Variants in PALLD observed in about 807,000 individuals in gnomAD.
PALLD encodes the protein palladin, cytoskeletal associated protein.
A neutral mutation model predicts 123.5 loss-of-function variants in PALLD; 61 were observed. That is an observed-to-expected ratio of 0.49 (90% CI 0.40 to 0.61). The LOEUF is 0.61. PALLD is among the 20% of genes least tolerant of loss of function. PALLD has a pLI of 0.00. For missense variants in PALLD, 1,273 were observed against 1,377.0 expected, an observed-to-expected ratio of 0.92 and a Z score of 1.20; for synonymous variants, 465 against 496.4, an observed-to-expected ratio of 0.94 and a Z score of 0.84.
intron 10 of PALLD, among the ~76,000 whole-genome samples, chr4:168,853,630 A>C (rs768216350): frequency 1.3e-5 from 2 of 152,100 alleles, no homozygotes; most frequent in Non-Finnish European, 2.9e-5. Context: ...GTCAGGAGGA[A>C]TCGCACATTG....
At chr4:168,825,166 C>T (rs1743255824) in intron 10 of PALLD, among the ~76,000 whole-genome samples, 1 of 152,150 alleles carries the variant, frequency 6.6e-6, no homozygotes, top group African/African-American at 2.4e-5. Context: ...TCCTATGGAG[C>T]TTATGGTCTA....
intron 10 of PALLD, among the ~76,000 whole-genome samples, chr4:168,733,937 A>G (rs183679975): frequency 0.014 from 2,105 of 152,146 alleles, 24 homozygotes; most frequent in Non-Finnish European, 0.019. Context: ...GGGTTTCACC[A>G]TGTTAGCCAG....
intron 2 of PALLD, among the ~76,000 whole-genome samples, chr4:168,656,554 G>A (rs1039007045): frequency 3.9e-5 from 6 of 152,014 alleles, no homozygotes; most frequent in Non-Finnish European, 7.4e-5. Context: ...TTTTTTAGTT[G>A]CTCTTGCAAT....
At chr4:168,724,104 A>G (rs533760129) in intron 10 of PALLD, among the ~76,000 whole-genome samples, 1 of 152,146 alleles carries the variant, frequency 6.6e-6, no homozygotes, top group African/African-American at 2.4e-5. Flanking sequence ...CACGTTGACC[A>G]GGATGGTCTT....
chr4:168,852,097 C>G (rs1747882054), intron 10 of PALLD, among the ~76,000 whole-genome samples: 1 of 152,182 alleles, frequency 6.6e-6, no homozygotes, highest in Admixed American at 6.5e-5. Context: ...TAAAACGTAG[C>G]ACACCCCTTG....
At chr4:168,777,855 C>T (rs1735383094) in intron 10 of PALLD, among the ~76,000 whole-genome samples, 1 of 152,200 alleles carries the variant, frequency 6.6e-6, no homozygotes, top group African/African-American at 2.4e-5. Flanking sequence ...CTAATGAGCA[C>T]TCACTTCTTG....
chr4:168,706,156 G>T (rs1784209778), intron 8 of PALLD, among the ~76,000 whole-genome samples: 1 of 152,134 alleles, frequency 6.6e-6, no homozygotes, highest in African/African-American at 2.4e-5. Context: ...AACAGCAACT[G>T]CCATTCCTCC....
intron 6 of PALLD, among the ~76,000 whole-genome samples, 193 bp downstream of exon 6, chr4:168,685,752 G>A (rs187363717): frequency 7.3e-6 from 1 of 137,756 alleles, no homozygotes; most frequent in East Asian, 2.4e-4. Flanking sequence ...TGGGTTCTGA[G>A]AGATGTGAGC....
chr4:168,590,239 G>T (rs981968668), intron 2 of PALLD, among the ~76,000 whole-genome samples: 3 of 152,210 alleles, frequency 2.0e-5, no homozygotes, highest in Non-Finnish European at 4.4e-5. Context: ...CTACTCAGGA[G>T]GCTGAGGCAG....
intron 10 of PALLD, among the ~76,000 whole-genome samples, chr4:168,883,286 T>C (rs752036341): frequency 1.1e-4 from 17 of 152,204 alleles, no homozygotes; most frequent in Non-Finnish European, 2.4e-4. Context: ...AGAATTGATA[T>C]ACAAAAGCTC....
intron 2 of PALLD, among the ~76,000 whole-genome samples, chr4:168,593,988 C>A (rs1051212436): frequency 1.3e-5 from 2 of 152,144 alleles, no homozygotes; most frequent in African/African-American, 4.8e-5. Context: ...AAAGGACCAT[C>A]TGGGTAGTTT....
intron 2 of PALLD, among the ~76,000 whole-genome samples, chr4:168,626,431 T>C (rs1357581736): frequency 7.3e-6 from 1 of 137,432 alleles, no homozygotes; most frequent in Non-Finnish European, 1.5e-5. Flanking sequence ...AGGTGGTGAC[T>C]GGGCACTGTG....
chr4:168,843,467 C>T (rs1055671153), intron 10 of PALLD, among the ~76,000 whole-genome samples: 9 of 152,224 alleles, frequency 5.9e-5, no homozygotes, highest in East Asian at 5.8e-4. Context: ...GTAGCACATA[C>T]GTAGTATAAG....
At chr4:168,889,191 T>A (rs113576181) in intron 10 of PALLD, among the ~76,000 whole-genome samples, 2 of 148,540 alleles carry the variant, frequency 1.3e-5, no homozygotes, top group Non-Finnish European at 1.5e-5. Context: ...TTAGACGGAG[T>A]CTTGCTCTGT....
At chr4:168,521,527 CTTA>C (rs1383457035) in intron 2 of PALLD, among the ~76,000 whole-genome samples, 3 of 152,224 alleles carry the variant, frequency 2.0e-5, no homozygotes, top group East Asian at 1.9e-4. Context: ...TTAAAAGTTA[CTTA>C]TTATTTTAAA....
intron 2 of PALLD, among the ~76,000 whole-genome samples, chr4:168,523,230 A>G (rs57142601): frequency 0.049 from 5,268 of 107,344 alleles, 235 homozygotes; most frequent in South Asian, 0.13. Context: ...AGGAGAGGAG[A>G]GGAGGGGAGG....
At chr4:168,911,183 A>C (rs1275490419) in intron 15 of PALLD, among the ~76,000 whole-genome samples, 1 of 152,232 alleles carries the variant, frequency 6.6e-6, no homozygotes, top group Non-Finnish European at 1.5e-5. Context: ...GAACAAATTC[A>C]GTGATTTGCT....
intron 2 of PALLD, among the ~76,000 whole-genome samples, chr4:168,584,215 GTT>G (rs10654362): frequency 0.018 from 2,623 of 148,074 alleles, 64 homozygotes; most frequent in African/African-American, 0.059. Flanking sequence ...AGACCATCAG[GTT>G]TTTTTTTTTT....
intron 10 of PALLD, among the ~76,000 whole-genome samples, chr4:168,721,597 T>C (rs1786025776): frequency 6.6e-6 from 1 of 152,202 alleles, no homozygotes; most frequent in Non-Finnish European, 1.5e-5. Context: ...ATTTTCCAAC[T>C]TTTTGACATA....
Sources: gnomAD v4.1 joint callset for allele counts (sites outside exome capture counted in the v4.1 genomes callset) on GRCh38, gnomAD v4.1.1 for gene constraint, MANE v1.5 for transcripts, NCBI Gene and HGNC (gene_info 2026-07-23, HGNC 2026-07-21) for gene names.